Variants in NPTX2 observed in about 807,000 individuals in gnomAD.
NPTX2 encodes the protein neuronal pentraxin 2, also known as neuronal pentraxin-2.
A neutral mutation model predicts 38.1 loss-of-function variants in NPTX2; 23 were observed. The ratio of observed to expected loss-of-function variants is 0.60; its 90% CI spans 0.43 to 0.85. The LOEUF is 0.85. Among genes scored for constraint, NPTX2 ranks in the 40% least tolerant of loss-of-function variants. The pLI is 0.00. For synonymous variants in NPTX2, 291 were observed against 287.3 expected (o/e 1.01, Z -0.13); for missense variants, 553 against 615.3 (o/e 0.90, Z 1.07).
In NPTX2 at chr7:98,625,011, C is replaced by T; in HGVS notation, c.733C>T (p.Pro245Ser). 6.2e-7 allele frequency: 1 copy of T among 1,613,930 alleles called. No homozygotes were observed. Among genetic ancestry groups the T allele is most frequent in the Non-Finnish European group, 8.5e-7 (1 of 1,180,032 alleles). The change falls in exon 3 of 5, where the codon CCT becomes TCT. Residue 245 changes from proline to serine, a missense_variant. Physicochemically the swap from Pro to Ser is moderately conservative, Grantham distance 74. Transcript: ENST00000265634. Reference sequence around the variant, plus strand: ...ATACGGCAAGATCAAGAAGACGCTGCCTGAGCTGTACGCCTTCACCATCTG... The same window carrying T: ...ATACGGCAAGATCAAGAAGACGCTGTCTGAGCTGTACGCCTTCACCATCTG... ...YLYGKIKKTLPELYAFTICLW... is the reference protein window; with the variant it reads ...YLYGKIKKTLSELYAFTICLW...
intron 2 of NPTX2, among the ~76,000 whole-genome samples, chr7:98,624,412 GA>G (rs1214261509): frequency 6.6e-6 from 1 of 152,094 alleles, no homozygotes; most frequent in Non-Finnish European, 1.5e-5. Flanking sequence ...TTTTCTTCTA[GA>G]TTTCAAGAGG....
chr7:98,627,097 C>A, intron 3 of NPTX2, 68 bp from the exon 4 acceptor site: 1 of 1,121,656 alleles, frequency 8.9e-7, no homozygotes, highest in Non-Finnish European at 1.3e-6. Flanking sequence ...GTCCTTCCTG[C>A]TTCCTGCCCT....
At chr7:98,617,926 G>T in intron 1 of NPTX2, 39 bp downstream of exon 1, 1 of 1,528,524 alleles carries the variant, frequency 6.5e-7, no homozygotes, top group East Asian at 2.4e-5. Context: ...CTGGAATGGG[G>T]ACGCTCCCGA....
Position 98,617,293 on chromosome 7 carries a change from G to C in NPTX2, c.-169G>C, listed in dbSNP as rs1445317264. ...CGCGGACCCGGCAGGCCAGAGTGCC[G>C]AGCAGCGCGGTGGGTGCGGCTGTGA... On this transcript the variant is annotated 5_prime_UTR_variant, in exon 1 of 5. Coordinates refer to ENST00000265634, the MANE Select transcript of NPTX2 (RefSeq NM_002523.3). 1 of 276,232 alleles carries C rather than the reference G, an allele frequency of 3.6e-6. No individual in the cohort carries two copies. The highest frequency in any genetic ancestry group is 6.7e-6 in the Non-Finnish European group (1 of 149,026). 17.1% of individuals were successfully genotyped at this position (276,232 alleles called of 1,614,324 possible).
chr7:98,628,572 C>G lies in NPTX2; in HGVS notation c.1239C>G (p.Phe413Leu), dbSNP rs140588425. The change falls in exon 5 of 5, where the codon TTC (phenylalanine) becomes TTG (leucine). Residue 413 changes from phenylalanine to leucine, a missense_variant. Physicochemically the swap from Phe to Leu is conservative, Grantham distance 22 (BLOSUM62 0). Transcript: ENST00000265634. ...GGGTGGACAATAACGTCGATGTGTT[C>G]GGAGGGGCCTCCAAGTGGCCCGTGG... Reference protein sequence around the residue: ...IPWVDNNVDVFGGASKWPVET... With the variant: ...IPWVDNNVDVLGGASKWPVET... 6 of 1,607,338 alleles carry G rather than the reference C, an allele frequency of 3.7e-6. No homozygotes were observed. In the South Asian group the frequency reaches 6.7e-5, roughly 18 times the overall value.
Position 98,625,130 on chromosome 7 carries a change from G to T in NPTX2, c.852G>T (p.Trp284Cys). 1 of 1,607,114 alleles carries T rather than the reference G, an allele frequency of 6.2e-7. No individual in the cohort carries two copies. Among genetic ancestry groups the T allele is most frequent in the Non-Finnish European group, 8.5e-7 (1 of 1,175,894 alleles). ...CCAACGAGATCGTGCTGATCGAGTG[G>T]GGCAACAACCCCATCGAGCTGCTCA... is the stretch of plus-strand genomic sequence containing the variant. The part of the protein sequence containing the change: ...GQANEIVLIE[W>C]GNNPIELLIN... Residue 284 changes from tryptophan (W) to cysteine (C), a missense_variant, in exon 3 of 5, where the codon TGG becomes TGT. Trp to Cys is a radical substitution (Grantham distance 215). Coordinates refer to ENST00000265634, the MANE Select transcript of NPTX2 (RefSeq NM_002523.3).
In NPTX2 at chr7:98,628,479, C is replaced by G; in HGVS notation, c.1146C>G (p.Val382=). 6.2e-7 allele frequency: 1 copy of G among 1,611,822 alleles called. No individual in the cohort carries two copies. The highest frequency in any genetic ancestry group is 8.5e-7 in the Non-Finnish European group (1 of 1,178,500). The change falls in exon 5 of 5, where the codon GTC becomes GTG. Residue 382 remains valine, a synonymous_variant. Coordinates refer to ENST00000265634, the MANE Select transcript of NPTX2 (RefSeq NM_002523.3). ...ELSQFNIWDR[V]LRAQEIVNIA... is the part of the protein sequence containing the mutation. ...GCCAGTTCAACATATGGGACCGCGT[C>G]CTTCGCGCACAAGAAATTGTCAACA...
chr7:98,619,073 C>T (rs578188497), intron 1 of NPTX2, among the ~76,000 whole-genome samples: 353 of 152,218 alleles, frequency 2.3e-3, no homozygotes, highest in African/African-American at 8.1e-3. Context: ...GCCTCCAGAA[C>T]CACATGATGG....
chr7:98,622,949 C>A (rs1237905670), intron 2 of NPTX2, among the ~76,000 whole-genome samples: 1 of 152,172 alleles, frequency 6.6e-6, no homozygotes, highest in Non-Finnish European at 1.5e-5. Flanking sequence ...TTTGCAGAAA[C>A]CCTCCTTAGA....
Position 98,628,677 on chromosome 7 carries a change from A to C in NPTX2, c.*48A>C. 1.1e-6 allele frequency: 1 copy of C among 901,484 alleles called. No individual in the cohort carries two copies. The highest frequency in any genetic ancestry group is 1.7e-6 in the Non-Finnish European group (1 of 585,778). 55.8% of individuals were successfully genotyped at this position (901,484 alleles called of 1,614,324 possible). ...GGCCGGGATCAGGCTGTTGCCATGG[A>C]AGTTCAGGGCCATAGACTGCCCCAC... is the stretch of plus-strand genomic sequence containing the variant. On this transcript the variant is annotated 3_prime_UTR_variant, in exon 5 of 5. Coordinates refer to ENST00000265634, the MANE Select transcript of NPTX2 (RefSeq NM_002523.3).
At chr7:98,626,538 C>T (rs73711720) in intron 3 of NPTX2, among the ~76,000 whole-genome samples, 2,764 of 152,264 alleles carry the variant, frequency 0.018, 57 homozygotes, top group African/African-American at 0.044. Flanking sequence ...TGGGTTTGGA[C>T]GGCTTGTAAA....
intron 3 of NPTX2, among the ~76,000 whole-genome samples, chr7:98,626,146 C>CAAAAAA (rs561364197): frequency 1.1e-4 from 8 of 71,426 alleles, no homozygotes; most frequent in Non-Finnish European, 2.3e-4. Context: ...TACCCTGTCT[C>CAAAAAA]AAAAAAAAAA....
intron 2 of NPTX2, among the ~76,000 whole-genome samples, chr7:98,624,602 C>T (rs1357134660): frequency 6.6e-6 from 1 of 152,136 alleles, no homozygotes; most frequent in East Asian, 1.9e-4. Context: ...CTCTGCCTTC[C>T]CTCCCCCGGC....
In NPTX2 at chr7:98,628,409, TG is replaced by T. The variant is rs2115637866; in HGVS notation, c.1082del (p.Gly361ValfsTer138). 4 of 1,575,700 alleles carry T rather than the reference TG, an allele frequency of 2.5e-6. No individual in the cohort carries two copies. Among genetic ancestry groups the T allele is most frequent in the African/African-American group, 1.3e-5 (1 of 74,200 alleles). On this transcript the variant is annotated frameshift_variant, in exon 5 of 5. Transcript: ENST00000265634. LOFTEE classifies it high-confidence loss of function. Reference sequence around the variant, plus strand: ...CTTGTTCCCATTCCCCAGGACACCGTGGGGGGTAGGTTTGATGCCACTCAGG... The same window carrying T: ...CTTGTTCCCATTCCCCAGGACACCGTGGGGGTAGGTTTGATGCCACTCAGG... Reference protein sequence around the residue: ...VLILGQEQDTVGGRFDATQAF... With the variant: ...VLILGQEQDTXGGRFDATQAF...
chr7:98,622,922 G>A (rs1791292479), intron 2 of NPTX2, among the ~76,000 whole-genome samples: 1 of 152,186 alleles, frequency 6.6e-6, no homozygotes, highest in Non-Finnish European at 1.5e-5. Flanking sequence ...AGGGGATAGG[G>A]GGTTCTTCTG....
chr7:98,619,758 A>T lies in NPTX2; in HGVS notation c.542A>T (p.Glu181Val). Residue 181 changes from glutamate (E) to valine (V), a missense_variant, in exon 2 of 5, where the codon GAG becomes GTG. By Grantham distance (121) the Glu-to-Val change is moderately radical. Coordinates refer to ENST00000265634, the MANE Select transcript of NPTX2 (RefSeq NM_002523.3). ...CTTCTGCGCAAGGTGGCAGAGCTGG[A>T]GGACGAGAAGTCCCTGCTGCACAAT... ...RQLLRKVAEL[E>V]DEKSLLHNET... 1 of 1,613,522 alleles carries T rather than the reference A, an allele frequency of 6.2e-7. No homozygotes were observed. The highest frequency in any genetic ancestry group is 8.5e-7 in the Non-Finnish European group (1 of 1,180,016).
chr7:98,622,591 C>T (rs992309982), intron 2 of NPTX2, among the ~76,000 whole-genome samples: 2 of 152,218 alleles, frequency 1.3e-5, no homozygotes, highest in East Asian at 3.9e-4. Context: ...CACCTCACTT[C>T]GCTGAGCCTC....
intron 3 of NPTX2, among the ~76,000 whole-genome samples, chr7:98,626,166 AAAAG>A (rs1292818116): frequency 1.3e-5 from 2 of 148,496 alleles, no homozygotes; most frequent in Non-Finnish European, 3.0e-5. Flanking sequence ...AAAAAAAAAA[AAAAG>A]GCCACTTTGG....
At chr7:98,622,320 T>C (rs1218539252) in intron 2 of NPTX2, among the ~76,000 whole-genome samples, 1 of 152,218 alleles carries the variant, frequency 6.6e-6, no homozygotes, top group Non-Finnish European at 1.5e-5. Flanking sequence ...CCCCCTCCTC[T>C]GCCCCTCGGC....
Sources: gnomAD v4.1 joint callset for allele counts (sites outside exome capture counted in the v4.1 genomes callset) on GRCh38, gnomAD v4.1.1 for gene constraint, MANE v1.5 for transcripts, NCBI Gene and HGNC (gene_info 2026-07-23, HGNC 2026-07-21) for gene names.